The following PDLIM5 variants were observed in gnomAD, a reference collection of about 807,000 sequenced individuals.
PDLIM5 encodes the protein PDZ and LIM domain protein 5.
A neutral mutation model predicts 64.2 loss-of-function variants in PDLIM5; 34 were observed. The ratio of observed to expected loss-of-function variants is 0.53; its 90% CI spans 0.40 to 0.71. The LOEUF is 0.71. PDLIM5 is among the 30% of genes least tolerant of loss of function. PDLIM5 has a pLI of 0.00. For synonymous variants in PDLIM5, 253 were observed against 269.1 expected (o/e 0.94, Z 0.59); for missense variants, 683 against 733.6 (o/e 0.93, Z 0.80).
intron 9 of PDLIM5, among the ~76,000 whole-genome samples, chr4:94,648,093 C>G (rs2041894592): frequency 6.6e-6 from 1 of 152,104 alleles, no homozygotes; most frequent in Admixed American, 6.5e-5. Flanking sequence ...ACATTGCCTT[C>G]TACCTTAAGA....
intron 6 of PDLIM5, among the ~76,000 whole-genome samples, 161 bp downstream of exon 6, chr4:94,585,898 A>C (rs1015749211): frequency 5.9e-5 from 9 of 152,212 alleles, no homozygotes; most frequent in African/African-American, 1.7e-4. Flanking sequence ...CAGGCCGGGC[A>C]CAGTGGCTCA....
At chr4:94,576,570 T>A (rs1735281914) in intron 5 of PDLIM5, among the ~76,000 whole-genome samples, 1 of 152,262 alleles carries the variant, frequency 6.6e-6, no homozygotes, top group Non-Finnish European at 1.5e-5. Flanking sequence ...TGTTTTCAGA[T>A]AAGTTTAAGT....
intron 9 of PDLIM5, among the ~76,000 whole-genome samples, chr4:94,649,428 T>C (rs1741673051): frequency 6.6e-6 from 1 of 152,166 alleles, no homozygotes; most frequent in Admixed American, 6.5e-5. Flanking sequence ...CTATTTAAAT[T>C]CTCCCATTTC....
chr4:94,504,180 G>A (rs567439363), intron 2 of PDLIM5, among the ~76,000 whole-genome samples: 69 of 152,106 alleles, frequency 4.5e-4, no homozygotes, highest in African/African-American at 1.5e-3. Context: ...CTAGATTGAA[G>A]CTCACATTTC....
At chr4:94,652,039 C>A (rs954579936) in intron 9 of PDLIM5, among the ~76,000 whole-genome samples, 1 of 152,154 alleles carries the variant, frequency 6.6e-6, no homozygotes, top group African/African-American at 2.4e-5. Context: ...AATGTATTTT[C>A]CTTGGTCAGT....
intron 3 of PDLIM5, among the ~76,000 whole-genome samples, chr4:94,564,584 T>C (rs1401537423): frequency 6.6e-6 from 1 of 151,940 alleles, no homozygotes; most frequent in Non-Finnish European, 1.5e-5. Context: ...CTTACTACCA[T>C]GTGAAATATT....
intron 10 of PDLIM5, 100 bp downstream of exon 10, chr4:94,654,740 C>A: frequency 1.3e-6 from 1 of 744,062 alleles, no homozygotes; most frequent in Admixed American, 2.4e-5. Context: ...TTTCTTCTTG[C>A]TTTATGCCCT....
chr4:94,458,583 CTG>C (rs1369552971), intron 2 of PDLIM5, among the ~76,000 whole-genome samples: 2 of 152,058 alleles, frequency 1.3e-5, no homozygotes, highest in South Asian at 2.1e-4. Flanking sequence ...GAGTTCAAAA[CTG>C]TGCAATTTTT....
chr4:94,474,436 A>T (rs1725147882), intron 2 of PDLIM5, among the ~76,000 whole-genome samples: 2 of 151,970 alleles, frequency 1.3e-5, no homozygotes, highest in Admixed American at 6.6e-5. Context: ...TTTTTAGTAG[A>T]GACGGGGTTT....
chr4:94,510,516 G>A (rs1477372369), intron 2 of PDLIM5, among the ~76,000 whole-genome samples: 2 of 152,020 alleles, frequency 1.3e-5, no homozygotes, highest in African/African-American at 2.4e-5. Context: ...ATTATTATAC[G>A]AAAACGCAGA....
chr4:94,518,739 T>C (rs1474043618), intron 2 of PDLIM5, among the ~76,000 whole-genome samples: 1 of 152,226 alleles, frequency 6.6e-6, no homozygotes, highest in East Asian at 1.9e-4. Flanking sequence ...TGTTTAGATA[T>C]TATTTTGTGC....
chr4:94,659,059 A>C (rs538154580), intron 11 of PDLIM5, among the ~76,000 whole-genome samples: 1 of 152,362 alleles, frequency 6.6e-6, no homozygotes, highest in African/African-American at 2.4e-5. Flanking sequence ...TTAAATACTA[A>C]ATAATTACTT....
chr4:94,606,494 A>T (rs934757403), intron 7 of PDLIM5, among the ~76,000 whole-genome samples: 1 of 152,084 alleles, frequency 6.6e-6, no homozygotes, highest in African/African-American at 2.4e-5. Flanking sequence ...CAGGAGGGGG[A>T]TAGAAGCAGG....
At chr4:94,453,223 A>G (rs1274456177) in intron 1 of PDLIM5, among the ~76,000 whole-genome samples, 2 of 152,128 alleles carry the variant, frequency 1.3e-5, no homozygotes, top group Non-Finnish European at 2.9e-5. Context: ...CCTGCTTGGT[A>G]TTTGAGGAAG....
At chr4:94,560,216 G>A (rs2452592) in intron 3 of PDLIM5, among the ~76,000 whole-genome samples, 49,686 of 151,946 alleles carry the variant, frequency 0.33, 8,311 homozygotes, top group East Asian at 0.44. Flanking sequence ...TCACCTTGGT[G>A]ATTGAACATG....
At chr4:94,611,245 A>T (rs1452706605) in intron 7 of PDLIM5, 11 of 1,491,076 alleles carry the variant, frequency 7.4e-6, no homozygotes, top group Admixed American at 2.0e-5. Context: ...GCTGTTAAGC[A>T]TACTGCTTTC....
chr4:94,576,553 A>T (rs1735279192), intron 5 of PDLIM5, among the ~76,000 whole-genome samples: 1 of 152,250 alleles, frequency 6.6e-6, no homozygotes, highest in Non-Finnish European at 1.5e-5. Flanking sequence ...CAGAGAGCTA[A>T]CAACATTGTT....
chr4:94,606,465 T>A (rs1420758666), intron 7 of PDLIM5, among the ~76,000 whole-genome samples: 1 of 151,152 alleles, frequency 6.6e-6, no homozygotes, highest in Non-Finnish European at 1.5e-5. Flanking sequence ...CAGTGAGGAG[T>A]AGGAGACTGT....
chr4:94,641,489 T>G (rs1190978575), intron 9 of PDLIM5, among the ~76,000 whole-genome samples: 1 of 152,194 alleles, frequency 6.6e-6, no homozygotes, highest in East Asian at 1.9e-4. Context: ...CTGAATAGTT[T>G]TTTTGTTTGT....
Sources: gnomAD v4.1 joint callset for allele counts (sites outside exome capture counted in the v4.1 genomes callset) on GRCh38, gnomAD v4.1.1 for gene constraint, MANE v1.5 for transcripts, NCBI Gene and HGNC (gene_info 2026-07-23, HGNC 2026-07-21) for gene names.